SLC26A7: variants seen among roughly 807,000 people sequenced by gnomAD.
The protein encoded by SLC26A7 is solute carrier family 26 member 7.
SLC26A7 carries 59 observed loss-of-function variants against 82.5 expected under a neutral mutation model. That is an observed-to-expected ratio of 0.72 (90% CI 0.58 to 0.89). The LOEUF is 0.89. SLC26A7 is among the 40% of genes least tolerant of loss of function. The pLI is 0.00. For missense variants in SLC26A7, 820 were observed against 793.0 expected (o/e 1.03, Z -0.41); for synonymous variants, 271 against 274.3 (o/e 0.99, Z 0.12).
Position 91,249,831 on chromosome 8 carries a change from A to G in SLC26A7, c.180A>G (p.Gln60=), listed in dbSNP as rs1031229613. The G allele has an allele frequency of 1.2e-6, 2 of 1,603,700 alleles. No individual in the cohort carries two copies. Among genetic ancestry groups the G allele is most frequent in the Non-Finnish European group, 8.5e-7 (1 of 1,176,424 alleles). The part of the protein sequence containing the change: ...DTVSGIMLAV[Q]QVTQGLAFAV... ...TGTCTGGGATAATGTTGGCAGTTCA[A>G]CAGGTGACCCAAGGTAATGTATTGC... Residue 60 remains glutamine (Q), a synonymous_variant, in exon 2 of 19, where the codon CAA becomes CAG. Coordinates refer to ENST00000276609, the MANE Select transcript of SLC26A7 (RefSeq NM_052832.4).
chr8:91,281,047 C>T lies in SLC26A7; in HGVS notation c.194-8089C>T, dbSNP rs571463101. On this transcript the variant is annotated intron_variant, in intron 2 of 18. Coordinates refer to ENST00000276609, the MANE Select transcript of SLC26A7 (RefSeq NM_052832.4). ...CTAAAAGTAAACCTCATCACAATTTCTCCCATTAGAAAAAAATTTCCTAAT... is the reference window on the plus strand; with the variant it reads ...CTAAAAGTAAACCTCATCACAATTTTTCCCATTAGAAAAAAATTTCCTAAT... 9.9e-5 allele frequency among the ~76,000 whole-genome samples: 15 copies of T among 152,252 alleles called. No individual in the cohort carries two copies. The East Asian group carries it at 1.3e-3, about 14-fold the overall frequency.
chr8:91,276,533 A>C (rs541311693), intron 2 of SLC26A7, among the ~76,000 whole-genome samples: 69 of 152,322 alleles, frequency 4.5e-4, no homozygotes, highest in Middle Eastern at 3.4e-3. Flanking sequence ...ATTCTTCTCC[A>C]AATCAAGCCC....
chr8:91,220,816 T>G (rs1465092752), intron 2 of SLC26A7, among the ~76,000 whole-genome samples: 2 of 152,214 alleles, frequency 1.3e-5, no homozygotes, highest in Admixed American at 6.5e-5. Context: ...TAAACATACG[T>G]GTGCATGTGT....
At chr8:91,362,084 A>G (rs118005542) in intron 11 of SLC26A7, among the ~76,000 whole-genome samples, 65 of 152,222 alleles carry the variant, frequency 4.3e-4, no homozygotes, top group East Asian at 2.7e-3. Context: ...CAGATCTTAA[A>G]TACAGTGTTT....
chr8:91,254,645 A>G (rs1810752568), intron 2 of SLC26A7, among the ~76,000 whole-genome samples: 1 of 152,166 alleles, frequency 6.6e-6, no homozygotes, highest in Non-Finnish European at 1.5e-5. Context: ...CCCTCTTCAG[A>G]ATAAATAGGT....
Position 91,364,532 on chromosome 8 carries a change from C to T in SLC26A7, c.1488+994C>T, listed in dbSNP as rs149276853. Among the ~76,000 whole-genome samples the T allele has an allele frequency of 3.7e-3, 563 of 152,260 alleles. 1 individual carries two copies. Among genetic ancestry groups the T allele is most frequent in the Middle Eastern group, 0.01 (3 of 294 alleles). On this transcript the variant is annotated intron_variant, in intron 13 of 18. Transcript: ENST00000276609. ...TTTCCACCAACTTTGCCTTTCTTTT[C>T]TTTCCTTATTTTTTCCATGGGAATT...
intron 4 of SLC26A7, among the ~76,000 whole-genome samples, chr8:91,308,766 A>G (rs1033244206): frequency 3.9e-5 from 6 of 152,136 alleles, no homozygotes; most frequent in African/African-American, 1.2e-4. Flanking sequence ...TTCTTTGGTT[A>G]TAATCCAATA....
Position 91,211,838 on chromosome 8 carries a change from C to T in SLC26A7, c.-150+2296C>T, listed in dbSNP as rs112671323. ...GGGGTTTACACTCAAAGGAGGGAGA[C>T]ACTGGATGATAAATGGGTCTTTATT... is the stretch of plus-strand genomic sequence containing the variant. On this transcript the variant is annotated intron_variant, in intron 1 of 5. Transcript: ENST00000522862. Among the ~76,000 whole-genome samples, 708 of 151,906 alleles carry T rather than the reference C, an allele frequency of 4.7e-3. 5 individuals carry two copies. The highest frequency in any genetic ancestry group is 0.016 in the African/African-American group (650 of 41,474).
intron 2 of SLC26A7, among the ~76,000 whole-genome samples, chr8:91,223,533 C>G (rs1404156883): frequency 6.6e-6 from 1 of 152,070 alleles, no homozygotes; most frequent in Non-Finnish European, 1.5e-5. Context: ...ACATTGTCTC[C>G]TCATTCTCAT....
In SLC26A7 at chr8:91,308,296, A is replaced by G. The variant is rs879427290; in HGVS notation, c.478-9920A>G. Among the ~76,000 whole-genome samples, 22 of 151,564 alleles carry G rather than the reference A, an allele frequency of 1.5e-4. 1 individual carries two copies. Among genetic ancestry groups the G allele is most frequent in the Admixed American group, 1.5e-3 (22 of 15,170 alleles). ...GTGTGTGTGTCTACATATAATTGTG[A>G]TAAAATACACATAACATAAAATTTA... On this transcript the variant is annotated intron_variant, in intron 4 of 18. Coordinates refer to ENST00000276609, the MANE Select transcript of SLC26A7 (RefSeq NM_052832.4).
chr8:91,211,624 T>TTA (rs1052088851), intron 1 of SLC26A7, among the ~76,000 whole-genome samples: 3 of 147,388 alleles, frequency 2.0e-5, no homozygotes, highest in Non-Finnish European at 4.5e-5. Context: ...ATATTTTTTT[T>TTA]TTATTTTTTT....
At chr8:91,286,240 T>G (rs1489772138) in intron 2 of SLC26A7, among the ~76,000 whole-genome samples, 1 of 152,180 alleles carries the variant, frequency 6.6e-6, no homozygotes, top group African/African-American at 2.4e-5. Flanking sequence ...ATGTTCAGTT[T>G]CACACTAAGG....
chr8:91,262,125 G>A (rs1810984783), intron 2 of SLC26A7, among the ~76,000 whole-genome samples: 1 of 152,068 alleles, frequency 6.6e-6, no homozygotes, highest in Non-Finnish European at 1.5e-5. Flanking sequence ...CTTGAGCTGA[G>A]GTTGTGGCAC....
chr8:91,385,669 C>T (rs933545155), intron 15 of SLC26A7, among the ~76,000 whole-genome samples: 3 of 152,032 alleles, frequency 2.0e-5, no homozygotes, highest in Admixed American at 6.6e-5. Context: ...AAAATAAAGA[C>T]GAAGCAAACA....
At chr8:91,244,666 G>C (rs1400311195), upstream of SLC26A7, among the ~76,000 whole-genome samples, 1 of 151,576 alleles carries the variant, frequency 6.6e-6, no homozygotes, top group Non-Finnish European at 1.5e-5. Flanking sequence ...ACCATGCCCA[G>C]CTAAATTTTT....
At chr8:91,301,904 G>T (rs1812177477) in intron 4 of SLC26A7, among the ~76,000 whole-genome samples, 1 of 151,188 alleles carries the variant, frequency 6.6e-6, no homozygotes. Context: ...ACTGTGTTTT[G>T]CTTCAATATT....
intron 15 of SLC26A7, among the ~76,000 whole-genome samples, chr8:91,383,805 C>G (rs1177289395): frequency 6.6e-6 from 1 of 152,160 alleles, no homozygotes; most frequent in Non-Finnish European, 1.5e-5. Context: ...CAATCATTAT[C>G]AAGTCTCAGC....
intron 4 of SLC26A7, among the ~76,000 whole-genome samples, chr8:91,299,188 C>A (rs75415453): frequency 0.01 from 1,567 of 152,094 alleles, 18 homozygotes; most frequent in Non-Finnish European, 0.016. Flanking sequence ...TTTAAGAGTT[C>A]TTTATATATT....
At chr8:91,248,634 AC>A (rs762084356), upstream of SLC26A7, among the ~76,000 whole-genome samples, 10 of 152,088 alleles carry the variant, frequency 6.6e-5, no homozygotes, top group Non-Finnish European at 1.2e-4. Flanking sequence ...AAAATGTAAC[AC>A]CCCTTATTAA....
Sources: allele counts gnomAD v4.1 joint callset (sites outside exome capture counted in the v4.1 genomes callset), GRCh38; gene constraint gnomAD v4.1.1; transcripts MANE v1.5; gene names NCBI Gene and HGNC (gene_info 2026-07-23, HGNC 2026-07-21).